The following MAPK10 variants were observed in gnomAD, a reference collection of about 807,000 sequenced individuals.
MAPK10 encodes the protein JNK3 alpha protein kinase.
Under a neutral mutation model 59.3 loss-of-function variants are expected in MAPK10, and 25 were observed. The ratio of observed to expected loss-of-function variants is 0.42; its 90% CI spans 0.31 to 0.59. The LOEUF is 0.59. Among genes scored for constraint, MAPK10 ranks in the 20% least tolerant of loss-of-function variants. MAPK10 has a pLI of 0.15. For synonymous variants in MAPK10, 190 were observed against 200.5 expected, an observed-to-expected ratio of 0.95 and a Z score of 0.44; for missense variants, 351 against 568.9, an observed-to-expected ratio of 0.62 and a Z score of 3.90.
chr4:86,374,150 C>T (rs2148995688), intron 1 of MAPK10, among the ~76,000 whole-genome samples: 1 of 152,212 alleles, frequency 6.6e-6, no homozygotes, highest in East Asian at 1.9e-4. Flanking sequence ...AGCAAACTAA[C>T]ACAGGAACAG....
intron 2 of MAPK10, among the ~76,000 whole-genome samples, chr4:86,197,946 A>G (rs150397867): frequency 6.6e-6 from 1 of 152,176 alleles, no homozygotes; most frequent in African/African-American, 2.4e-5. Flanking sequence ...ACAGACACAG[A>G]CATACATGGG....
intron 9 of MAPK10, among the ~76,000 whole-genome samples, chr4:86,074,802 C>T (rs1380593204): frequency 8.2e-6 from 1 of 121,680 alleles, no homozygotes; most frequent in African/African-American, 3.5e-5. Flanking sequence ...GGTAACCCGA[C>T]CTTTCTCTCT....
chr4:86,289,649 G>A (rs1162677940), intron 2 of MAPK10, among the ~76,000 whole-genome samples: 2 of 149,632 alleles, frequency 1.3e-5, no homozygotes, highest in Non-Finnish European at 3.0e-5. Flanking sequence ...AATATTATAT[G>A]TATGTTATAA....
intron 2 of MAPK10, chr4:86,332,527 A>C (rs936187377): frequency 1.3e-5 from 2 of 152,150 alleles, no homozygotes; most frequent in African/African-American, 4.8e-5. Context: ...ATTTTAGAGG[A>C]TACGTTTCAG....
At chr4:86,088,171 T>G (rs1187927708) in intron 9 of MAPK10, among the ~76,000 whole-genome samples, 1 of 152,030 alleles carries the variant, frequency 6.6e-6, no homozygotes, top group Admixed American at 6.6e-5. Flanking sequence ...TCTGGAATCT[T>G]TTTGTTTGTT....
intron 1 of MAPK10, chr4:86,452,991 C>A (rs745959034): frequency 6.6e-6 from 1 of 152,288 alleles, no homozygotes; most frequent in Non-Finnish European, 1.5e-5. Context: ...CACTGGGGAA[C>A]CTGAAGGTCT....
At chr4:86,379,243 G>A (rs917784434) in intron 1 of MAPK10, among the ~76,000 whole-genome samples, 1 of 152,176 alleles carries the variant, frequency 6.6e-6, no homozygotes, top group African/African-American at 2.4e-5. Context: ...GGGACGAAAC[G>A]TCCATCTCCA....
At chr4:86,556,358 A>G (rs1479211628) in intron 1 of MAPK10, among the ~76,000 whole-genome samples, 2 of 152,148 alleles carry the variant, frequency 1.3e-5, no homozygotes, top group Non-Finnish European at 2.9e-5. Flanking sequence ...TCTTTGTTGA[A>G]TTTTATTAAA....
At chr4:86,043,783 C>T (rs1342037522) in intron 11 of MAPK10, among the ~76,000 whole-genome samples, 1 of 152,076 alleles carries the variant, frequency 6.6e-6, no homozygotes, top group Non-Finnish European at 1.5e-5. Context: ...ATGTTTTCTT[C>T]TCAACATCTT....
intron 3 of MAPK10, chr4:86,191,665 G>A (rs182467802): frequency 7.0e-6 from 1 of 142,804 alleles, no homozygotes; most frequent in African/African-American, 2.6e-5. Context: ...CATGTGAGAT[G>A]GGTATCCTGA....
intron 2 of MAPK10, among the ~76,000 whole-genome samples, chr4:86,204,425 AC>A (rs2083352975): frequency 6.6e-6 from 1 of 151,992 alleles, no homozygotes; most frequent in African/African-American, 2.4e-5. Context: ...ATGATTTGCA[AC>A]CAGTGGGAAG....
At chr4:86,219,561 T>G (rs975680817) in intron 2 of MAPK10, among the ~76,000 whole-genome samples, 2 of 152,178 alleles carry the variant, frequency 1.3e-5, no homozygotes, top group African/African-American at 4.8e-5. Flanking sequence ...ATACTTCTTA[T>G]AAGAATAACA....
chr4:86,551,576 T>TTC (rs146552435), intron 1 of MAPK10, among the ~76,000 whole-genome samples: 3,933 of 149,250 alleles, frequency 0.026, 79 homozygotes, highest in African/African-American at 0.059. Context: ...CTCTCTTTCT[T>TTC]TCTCTCTCTC....
intron 1 of MAPK10, among the ~76,000 whole-genome samples, chr4:86,571,838 G>T (rs2149108408): frequency 6.6e-6 from 1 of 152,034 alleles, no homozygotes; most frequent in Non-Finnish European, 1.5e-5. Context: ...CGAGCCCCTT[G>T]TTCAAAAAGC....
intron 1 of MAPK10, among the ~76,000 whole-genome samples, chr4:86,400,864 C>T (rs1032376718): frequency 2.6e-5 from 4 of 151,934 alleles, no homozygotes; most frequent in African/African-American, 9.7e-5. Context: ...TACAAGTATG[C>T]CATTATTCTT....
chr4:86,319,971 T>C (rs959344715), intron 2 of MAPK10, among the ~76,000 whole-genome samples: 1 of 152,198 alleles, frequency 6.6e-6, no homozygotes, highest in African/African-American at 2.4e-5. Context: ...TACACCCAAG[T>C]CCTTCTCAGT....
At chr4:86,391,532 A>C (rs1040964612) in intron 1 of MAPK10, among the ~76,000 whole-genome samples, 2 of 152,150 alleles carry the variant, frequency 1.3e-5, no homozygotes, top group African/African-American at 4.8e-5. Flanking sequence ...GGAGTGGAAA[A>C]TGAATCAGAG....
chr4:86,435,926 A>T (rs1398576676), intron 1 of MAPK10, among the ~76,000 whole-genome samples: 1 of 152,256 alleles, frequency 6.6e-6, no homozygotes, highest in Admixed American at 6.5e-5. Flanking sequence ...TGTATATTAA[A>T]TCATATCAAA....
At chr4:86,056,459 C>T (rs2044560727) in intron 11 of MAPK10, among the ~76,000 whole-genome samples, 1 of 149,956 alleles carries the variant, frequency 6.7e-6, no homozygotes, top group African/African-American at 2.5e-5. Flanking sequence ...GTCTATTCTT[C>T]ACCATGTTGT....
Sources: allele counts gnomAD v4.1 joint callset (sites outside exome capture counted in the v4.1 genomes callset), GRCh38; gene constraint gnomAD v4.1.1; transcripts MANE v1.5; gene names NCBI Gene and HGNC (gene_info 2026-07-23, HGNC 2026-07-21).